The following FAF1 variants were observed in gnomAD, a reference collection of about 807,000 sequenced individuals.
FAF1 encodes FAS-associated factor 1.
FAF1 carries 25 observed loss-of-function variants against 92.5 expected under a neutral mutation model. The ratio of observed to expected loss-of-function variants is 0.27; its 90% CI spans 0.20 to 0.38. The LOEUF (loss-of-function observed/expected upper bound fraction) is 0.38. Ranked by LOEUF, FAF1 falls within the 10% of genes least tolerant of loss-of-function variation. FAF1 has a pLI of 1.00. For missense variants in FAF1, 636 were observed against 793.3 expected (o/e 0.80, Z 2.38); for synonymous variants, 234 against 273.2 (o/e 0.86, Z 1.42).
At chr1:50,505,514 T>G (rs1176163927) in intron 15 of FAF1, among the ~76,000 whole-genome samples, 1 of 152,184 alleles carries the variant, frequency 6.6e-6, no homozygotes, top group Admixed American at 6.5e-5. Flanking sequence ...ACTTCTCTGG[T>G]CAGGATTCCT....
chr1:50,677,873 C>T (rs1278618511), intron 7 of FAF1, among the ~76,000 whole-genome samples: 1 of 113,766 alleles, frequency 8.8e-6, no homozygotes, highest in African/African-American at 3.6e-5. Flanking sequence ...CCAGTCTGCG[C>T]AACAAGAACA....
chr1:50,874,973 G>T (rs1273321902), intron 1 of FAF1, among the ~76,000 whole-genome samples: 1 of 151,090 alleles, frequency 6.6e-6, no homozygotes, highest in African/African-American at 2.4e-5. Flanking sequence ...TAGAGACAGG[G>T]TTTTGCCATG....
chr1:50,927,981 T>C (rs867349935), intron 1 of FAF1, among the ~76,000 whole-genome samples: 2 of 152,214 alleles, frequency 1.3e-5, no homozygotes, highest in African/African-American at 4.8e-5. Flanking sequence ...CTGTTAGGAT[T>C]TGTGTTCTTT....
At chr1:50,756,578 G>A (rs1660083140) in intron 4 of FAF1, among the ~76,000 whole-genome samples, 1 of 152,162 alleles carries the variant, frequency 6.6e-6, no homozygotes, top group African/African-American at 2.4e-5. Context: ...CTTTTCAGCA[G>A]TGCCCCACTC....
chr1:50,524,489 G>C (rs933024627), intron 15 of FAF1, among the ~76,000 whole-genome samples: 5 of 152,206 alleles, frequency 3.3e-5, no homozygotes. Context: ...TATTGCCTAG[G>C]TTGTCTTCTA....
intron 13 of FAF1, among the ~76,000 whole-genome samples, chr1:50,558,677 T>G (rs1649716515): frequency 6.6e-6 from 1 of 152,240 alleles, no homozygotes; most frequent in African/African-American, 2.4e-5. Context: ...GCCAATAATA[T>G]CACCTTTGTA....
chr1:50,789,043 C>T (rs983223752), intron 3 of FAF1, among the ~76,000 whole-genome samples: 8 of 152,056 alleles, frequency 5.3e-5, no homozygotes, highest in African/African-American at 9.7e-5. Flanking sequence ...TAATGTTGCC[C>T]GGGCTAGTCT....
At chr1:50,645,477 G>T (rs1654536502) in intron 8 of FAF1, among the ~76,000 whole-genome samples, 1 of 152,208 alleles carries the variant, frequency 6.6e-6, no homozygotes. Context: ...GTCTTTGTTT[G>T]CAACTATATA....
chr1:50,830,621 A>T (rs778946784), intron 2 of FAF1, among the ~76,000 whole-genome samples: 1 of 151,736 alleles, frequency 6.6e-6, no homozygotes, highest in East Asian at 1.9e-4. Flanking sequence ...TATCAAATAG[A>T]TTAGCCAGTG....
At chr1:50,529,077 T>G (rs1351843648) in intron 15 of FAF1, among the ~76,000 whole-genome samples, 8 of 152,178 alleles carry the variant, frequency 5.3e-5, no homozygotes, top group Non-Finnish European at 4.4e-5. Flanking sequence ...GAGTCAAAAG[T>G]TATACCTGCA....
At chr1:50,470,757 G>C (rs1028718138) in intron 18 of FAF1, 17 of 152,240 alleles carry the variant, frequency 1.1e-4, no homozygotes, top group African/African-American at 3.9e-4. Context: ...AGTTCAGCAG[G>C]GTCAAGTAAG....
chr1:50,738,387 G>A (rs1238807068), intron 6 of FAF1, among the ~76,000 whole-genome samples: 1 of 146,312 alleles, frequency 6.8e-6, no homozygotes, highest in African/African-American at 2.6e-5. Flanking sequence ...AGGTTGCGGT[G>A]AGCCAAGATC....
Position 50,583,659 on chromosome 1 carries a change from A to G in FAF1, c.1024T>C (p.Ser342Pro). Residue 342 changes from serine to proline, a missense_variant, in exon 11 of 19, where the codon TCT becomes CCT. Physicochemically the swap from Ser to Pro is moderately conservative, Grantham distance 74. Coordinates refer to ENST00000396153, the MANE Select transcript of FAF1 (RefSeq NM_007051.3). The surrounding 1 kb of genome is among the most constrained non-coding windows in gnomAD (Gnocchi z 4.2). Reference protein sequence around the residue: ...DALLQFTAEFSSRYGDCHPVF... With the variant: ...DALLQFTAEFPSRYGDCHPVF... ...TTAATGTCCTAACCCTACCTTGAAG[A>G]AAACTCTGCTGTAAATTGTAATAAG... 1 of 1,574,084 alleles carries G rather than the reference A, an allele frequency of 6.4e-7. No homozygotes were observed. The highest frequency in any genetic ancestry group is 2.3e-5 in the East Asian group (1 of 44,358).
intron 7 of FAF1, among the ~76,000 whole-genome samples, chr1:50,704,223 T>C (rs1218663623): frequency 1.3e-5 from 2 of 152,126 alleles, no homozygotes; most frequent in African/African-American, 2.4e-5. Context: ...TGAATAGTCC[T>C]TTCTGCCCTC....
chr1:50,781,900 C>T (rs983701278), intron 4 of FAF1, among the ~76,000 whole-genome samples: 3 of 152,138 alleles, frequency 2.0e-5, no homozygotes, highest in Non-Finnish European at 2.9e-5. Flanking sequence ...ATGTTTCCAT[C>T]AACAATGACC....
intron 1 of FAF1, among the ~76,000 whole-genome samples, chr1:50,918,473 G>A (rs1157284996): frequency 1.8e-5 from 1 of 54,626 alleles, no homozygotes; most frequent in Non-Finnish European, 3.4e-5. Flanking sequence ...ATAGTTTACT[G>A]AGAATGATGG....
chr1:50,487,380 C>T (rs1361420657), intron 17 of FAF1, among the ~76,000 whole-genome samples: 1 of 152,178 alleles, frequency 6.6e-6, no homozygotes, highest in African/African-American at 2.4e-5. Flanking sequence ...TATCTGTTGT[C>T]AACATGTTAG....
chr1:50,831,791 A>C (rs1644155164), intron 2 of FAF1, among the ~76,000 whole-genome samples: 1 of 142,036 alleles, frequency 7.0e-6, no homozygotes, highest in Admixed American at 7.5e-5. Flanking sequence ...CCATAAGAGT[A>C]TCCTTATCAG....
At chr1:50,937,748 G>A (rs992140127) in intron 1 of FAF1, among the ~76,000 whole-genome samples, 1 of 152,052 alleles carries the variant, frequency 6.6e-6, no homozygotes, top group Non-Finnish European at 1.5e-5. Context: ...TATTTACAAG[G>A]ATTTTAAGAA....
Sources: allele counts gnomAD v4.1 joint callset (sites outside exome capture counted in the v4.1 genomes callset), GRCh38; gene constraint gnomAD v4.1.1; non-coding constraint Gnocchi (gnomAD v3.1); transcripts MANE v1.5; gene names NCBI Gene and HGNC (gene_info 2026-07-23, HGNC 2026-07-21).